The following DCUN1D5 variants were observed in gnomAD, a reference collection of about 807,000 sequenced individuals.
DCUN1D5 encodes defective in cullin neddylation 1 domain containing 5, also known as DCN1-like protein 5.
DCUN1D5 carries 10 observed loss-of-function variants against 38.3 expected under a neutral mutation model. That is an observed-to-expected ratio of 0.26 (90% CI 0.16 to 0.44). The LOEUF (loss-of-function observed/expected upper bound fraction) is 0.44, where lower values mean the gene tolerates loss of function less well. Among genes scored for constraint, DCUN1D5 ranks in the 20% least tolerant of loss-of-function variants. The pLI, the probability that DCUN1D5 is intolerant of heterozygous loss-of-function variation, is 1.00. For synonymous variants in DCUN1D5, 93 were observed against 90.9 expected, an observed-to-expected ratio of 1.02 and a Z score of -0.13; for missense variants, 148 against 275.3, an observed-to-expected ratio of 0.54 and a Z score of 3.27.
At chr11:103,081,199 C>G (rs1862556298) in intron 4 of DCUN1D5, among the ~76,000 whole-genome samples, 1 of 152,076 alleles carries the variant, frequency 6.6e-6, no homozygotes, top group African/African-American at 2.4e-5. Flanking sequence ...AAATATACAG[C>G]CACTTGTTAG....
Position 103,056,425 on chromosome 11 carries a change from C to G in DCUN1D5, c.*5934G>C, listed in dbSNP as rs1861873924. 6.6e-6 allele frequency among the ~76,000 whole-genome samples: 1 copy of G among 152,136 alleles called. No homozygotes were observed. Among genetic ancestry groups the G allele is most frequent in the Non-Finnish European group, 1.5e-5 (1 of 68,030 alleles). ...CCTTCTGCCTGGAATGCTCTCCTCC[C>G]AGATATCCACACTGCACAACCATTC... is the stretch of plus-strand genomic sequence containing the variant. On this transcript the variant is annotated 3_prime_UTR_variant, in exon 8 of 8. Coordinates refer to ENST00000260247, the MANE Select transcript of DCUN1D5 (RefSeq NM_032299.4). This position sits in a 1 kb window ranked among gnomAD's most constrained non-coding sequence, Gnocchi z 4.9.
At chr11:103,089,564 A>G (rs1862801911) in intron 1 of DCUN1D5, among the ~76,000 whole-genome samples, 1 of 152,198 alleles carries the variant, frequency 6.6e-6, no homozygotes, top group African/African-American at 2.4e-5. Flanking sequence ...AAATATCAGT[A>G]AGTTATTTCC....
intron 4 of DCUN1D5, among the ~76,000 whole-genome samples, chr11:103,076,776 T>C (rs1336998168): frequency 6.6e-6 from 1 of 152,222 alleles, no homozygotes. Flanking sequence ...GTCCTTGATA[T>C]GCTTCTTTTG....
rs559883597 is a variant in DCUN1D5 at position 103,066,172 on chromosome 11, T to C, written c.555+97A>G. ...TAGAATTTTTTCTCTAAAGTTTTTT[T>C]AAAGCATACTATTAAAAATCTACTT... On this transcript the variant is annotated intron_variant, in intron 6 of 7. Coordinates refer to ENST00000260247, the MANE Select transcript of DCUN1D5 (RefSeq NM_032299.4). This position sits in a 1 kb window ranked among gnomAD's most constrained non-coding sequence, Gnocchi z 4.7. The C allele has an allele frequency of 6.5e-4, 469 of 716,732 alleles. 4 individuals are homozygous for C. Among genetic ancestry groups the C allele is most frequent in the Non-Finnish European group, 1.4e-4 (66 of 468,218 alleles). 44.4% of individuals were successfully genotyped at this position (716,732 alleles called of 1,614,324 possible).
chr11:103,079,310 GT>G (rs1210541374), intron 4 of DCUN1D5, among the ~76,000 whole-genome samples: 1 of 152,162 alleles, frequency 6.6e-6, no homozygotes, highest in Non-Finnish European at 1.5e-5. Context: ...GTATTGTAAT[GT>G]TTTCCCTGAC....
rs1861944456 is a variant in DCUN1D5 at position 103,058,949 on chromosome 11, A to C, written c.*3410T>G. On this transcript the variant is annotated 3_prime_UTR_variant, in exon 8 of 8. Transcript: ENST00000260247. ...TTTTGGCCTTTTGCTTTAACAAAGA[A>C]AGGCATTTAGTTTTCCTTTTTTTTT... Among the ~76,000 whole-genome samples, 2 of 151,086 alleles carry C rather than the reference A, an allele frequency of 1.3e-5. No individual in the cohort carries two copies. The highest frequency in any genetic ancestry group is 6.6e-5 in the Admixed American group (1 of 15,112).
intron 4 of DCUN1D5, among the ~76,000 whole-genome samples, chr11:103,074,791 T>C (rs1321693729): frequency 6.6e-6 from 1 of 152,174 alleles, no homozygotes; most frequent in African/African-American, 2.4e-5. Context: ...AACCACAGAG[T>C]TGTCTTATGC....
Position 103,087,191 on chromosome 11 carries a change from G to A in DCUN1D5, c.178+2036C>T, listed in dbSNP as rs1239099326. ...TCTTTTTCTTTTTTTTTTTTTTTGA[G>A]GCAGAGTCTCACTCTGTCACCCAGG... On this transcript the variant is annotated intron_variant, in intron 2 of 7. Transcript: ENST00000260247. The surrounding 1 kb of genome is among the most constrained non-coding windows in gnomAD (Gnocchi z 4.1). Among the ~76,000 whole-genome samples, 1 of 145,882 alleles carries A rather than the reference G, an allele frequency of 6.9e-6. No homozygotes were observed. Among genetic ancestry groups the A allele is most frequent in the African/African-American group, 2.5e-5 (1 of 39,718 alleles).
chr11:103,085,085 C>T (rs532824621), intron 2 of DCUN1D5, among the ~76,000 whole-genome samples: 1 of 152,282 alleles, frequency 6.6e-6, no homozygotes, highest in Non-Finnish European at 1.5e-5. Flanking sequence ...ATCAAGAAAA[C>T]ATACTTGCTC....
chr11:103,080,194 T>C lies in DCUN1D5; in HGVS notation c.341+2554A>G, dbSNP rs898460832. The stretch of plus-strand genomic sequence containing the variant: ...AGTTTTATGGGTTAAAATTAATTAA[T>C]TGAAACAACTCATGACTATATTAAG... On this transcript the variant is annotated intron_variant, in intron 4 of 7. Transcript: ENST00000260247. 7.2e-5 allele frequency among the ~76,000 whole-genome samples: 11 copies of C among 152,184 alleles called. No individual in the cohort carries two copies. The East Asian group carries it at 7.7e-4, about 11-fold the overall frequency.
rs1861879694 is a variant in DCUN1D5, at chr11:103,056,645, G to A, written c.*5714C>T. On this transcript the variant is annotated 3_prime_UTR_variant, in exon 8 of 8. Transcript: ENST00000260247. This position sits in a 1 kb window ranked among gnomAD's most constrained non-coding sequence, Gnocchi z 4.9. ...GTTCGAAATTACTGTCTTGCTTCGT[G>A]CCCTGCAATATATTCAGGCCTAGAA... Among the ~76,000 whole-genome samples the A allele has an allele frequency of 1.3e-5, 2 of 152,124 alleles. No homozygotes were observed. The highest frequency in any genetic ancestry group is 4.8e-5 in the African/African-American group (2 of 41,428).
rs1861770477 is a variant in DCUN1D5, at chr11:103,052,624, C to T, written c.*9735G>A. The T allele has an allele frequency of 1.3e-5, 2 of 152,288 alleles. No individual in the cohort carries two copies. Among genetic ancestry groups the T allele is most frequent in the South Asian group, 4.1e-4 (2 of 4,826 alleles). 9.4% of individuals were successfully genotyped at this position (152,288 alleles called of 1,614,324 possible). On this transcript the variant is annotated 3_prime_UTR_variant, in exon 8 of 8. Transcript: ENST00000260247. ...ATTCATTCCTTCATTCTTGTATCTA[C>T]TCCAAGTCTCTCTTGGTAGTTCTTA...
At chr11:103,080,924 G>A (rs1352102621) in intron 4 of DCUN1D5, among the ~76,000 whole-genome samples, 3 of 151,810 alleles carry the variant, frequency 2.0e-5, no homozygotes, top group African/African-American at 7.3e-5. Context: ...CAGGAGAATC[G>A]CTTGAACCCA....
rs1019359968 is a variant in DCUN1D5, at chr11:103,071,472, T to C, written c.342-4905A>G. 1.3e-5 allele frequency among the ~76,000 whole-genome samples: 2 copies of C among 151,048 alleles called. No homozygotes were observed. The highest frequency in any genetic ancestry group is 3.0e-5 in the Non-Finnish European group (2 of 67,728). ...AATTTTTCTACACATATAAAGATTT[T>C]TATACAGGTATAATCTATATATAAT... On this transcript the variant is annotated intron_variant, in intron 4 of 7. Coordinates refer to ENST00000260247, the MANE Select transcript of DCUN1D5 (RefSeq NM_032299.4). This position sits in a 1 kb window ranked among gnomAD's most constrained non-coding sequence, Gnocchi z 4.1.
Position 103,051,510 on chromosome 11 carries a change from C to CCCT in DCUN1D5, c.*10848_*10849insAGG, listed in dbSNP as rs1861735191. 1 of 135,188 alleles carries CCCT rather than the reference C, an allele frequency of 7.4e-6. No individual in the cohort carries two copies. The highest frequency in any genetic ancestry group is 7.3e-5 in the Admixed American group (1 of 13,652). The allele number at this position is 135,188 out of a possible 1,614,324, so 8.4% of individuals were successfully genotyped here. A position where few individuals can be genotyped will look rare whatever the true frequency, so the allele number is the denominator to read the frequency against. ...GCTTCACATATTTACTTCCCCCCCC[C>CCCT]CCCCGCCACCCCTGTGTTAACAGGT... On this transcript the variant is annotated 3_prime_UTR_variant, in exon 8 of 8. Transcript: ENST00000260247.
chr11:103,062,833 T>C lies in DCUN1D5; in HGVS notation c.659-419A>G, dbSNP rs987111076. Reference sequence around the variant, plus strand: ...ATAATAGAGACTTACTTTATTCCAATAACAGGATGTAGTACAAAGCTGAAC... The same window carrying C: ...ATAATAGAGACTTACTTTATTCCAACAACAGGATGTAGTACAAAGCTGAAC... On this transcript the variant is annotated intron_variant, in intron 7 of 7. Coordinates refer to ENST00000260247, the MANE Select transcript of DCUN1D5 (RefSeq NM_032299.4). This position sits in a 1 kb window ranked among gnomAD's most constrained non-coding sequence, Gnocchi z 4.6. Among the ~76,000 whole-genome samples the C allele has an allele frequency of 2.6e-5, 4 of 152,128 alleles. No individual in the cohort carries two copies. The highest frequency in any genetic ancestry group is 5.9e-5 in the Non-Finnish European group (4 of 67,966).
intron 2 of DCUN1D5, among the ~76,000 whole-genome samples, chr11:103,084,140 CTT>C (rs1565292943): frequency 6.6e-6 from 1 of 152,092 alleles, no homozygotes; most frequent in African/African-American, 2.4e-5. Flanking sequence ...CACTAGGTCT[CTT>C]TTGTGACTGG....
Position 103,061,145 on chromosome 11 carries a change from A to C in DCUN1D5, c.*1214T>G, listed in dbSNP as rs909493465. Reference sequence around the variant, plus strand: ...ATCAATATGGAGAAATCATTCTTTAAACAAATTCACCACTGAAAAATCAAC... The same window carrying C: ...ATCAATATGGAGAAATCATTCTTTACACAAATTCACCACTGAAAAATCAAC... On this transcript the variant is annotated 3_prime_UTR_variant, in exon 8 of 8. Coordinates refer to ENST00000260247, the MANE Select transcript of DCUN1D5 (RefSeq NM_032299.4). 2.6e-5 allele frequency among the ~76,000 whole-genome samples: 4 copies of C among 152,194 alleles called. No homozygotes were observed. Among genetic ancestry groups the C allele is most frequent in the Non-Finnish European group, 5.9e-5 (4 of 68,010 alleles).
At chr11:103,090,835 C>T (rs1179837735) in intron 1 of DCUN1D5, among the ~76,000 whole-genome samples, 1 of 152,178 alleles carries the variant, frequency 6.6e-6, no homozygotes, top group Non-Finnish European at 1.5e-5. Context: ...TCGCTTGAAC[C>T]CGGGAGGCGG....
Sources: gnomAD v4.1 joint callset for allele counts (sites outside exome capture counted in the v4.1 genomes callset) on GRCh38, gnomAD v4.1.1 for gene constraint, Gnocchi (gnomAD v3.1) non-coding constraint, MANE v1.5 for transcripts, NCBI Gene and HGNC (gene_info 2026-07-23, HGNC 2026-07-21) for gene names.